KMT5B: variants seen among roughly 807,000 people sequenced by gnomAD.
KMT5B encodes the protein histone-lysine N-methyltransferase KMT5B.
KMT5B carries 10 observed loss-of-function variants against 83.2 expected under a neutral mutation model. The ratio of observed to expected loss-of-function variants is 0.12; its 90% CI spans 0.07 to 0.20. The LOEUF is 0.20. Ranked by LOEUF, KMT5B falls within the 10% of genes least tolerant of loss-of-function variation. KMT5B has a pLI of 1.00. For synonymous variants in KMT5B, 349 were observed against 388.8 expected (o/e 0.90, Z 1.20); for missense variants, 753 against 1,067.2 (o/e 0.71, Z 4.10).
rs148953858 is a variant in KMT5B, at chr11:68,158,882, C to A, written c.1464G>T (p.Leu488Phe). Residue 488 changes from leucine (L) to phenylalanine (F), a missense_variant, in exon 11 of 11, where the codon TTG (leucine) becomes TTT (phenylalanine). Around this residue, in one of 9 missense-constraint regions of KMT5B, gnomAD observed 397 missense variants for 395.9 expected, o/e 1.00. Coordinates refer to ENST00000304363, the MANE Select transcript of KMT5B (RefSeq NM_017635.5). ...CTGGCTCCTTATCTTTTTTAATGGG[C>A]AAATTTTTATACAGAACTACTTTAG... ...KEPKVVLYKN[L>F]PIKKDKEPEG... 8 of 1,613,982 alleles carry A rather than the reference C, an allele frequency of 5.0e-6. No individual in the cohort carries two copies. In the African/African-American group the frequency reaches 9.3e-5, roughly 19 times the overall value.
chr11:68,200,028 C>T (rs1217855298), intron 1 of KMT5B, among the ~76,000 whole-genome samples: 5 of 152,070 alleles, frequency 3.3e-5, no homozygotes. Flanking sequence ...TGGTTTTAGT[C>T]ACTTTTGAGA....
At chr11:68,207,790 CAA>C (rs1161587651) in intron 1 of KMT5B, among the ~76,000 whole-genome samples, 48 of 79,834 alleles carry the variant, frequency 6.0e-4, no homozygotes, top group East Asian at 5.8e-3. Flanking sequence ...GACTCCATCT[CAA>C]AAAAAAAAAA....
At chr11:68,208,161 C>T (rs1397073063) in intron 1 of KMT5B, among the ~76,000 whole-genome samples, 2 of 150,436 alleles carry the variant, frequency 1.3e-5, no homozygotes, top group East Asian at 2.1e-4. Flanking sequence ...AAACACACTT[C>T]GCCCAAGCCA....
chr11:68,188,026 C>G (rs1040590798), intron 2 of KMT5B, among the ~76,000 whole-genome samples: 5 of 139,434 alleles, frequency 3.6e-5, no homozygotes, highest in African/African-American at 1.1e-4. Context: ...TTTCCTTTTT[C>G]TTTTTTTTTT....
At chr11:68,210,634 G>A (rs953514557) in intron 1 of KMT5B, among the ~76,000 whole-genome samples, 1 of 152,110 alleles carries the variant, frequency 6.6e-6, no homozygotes, top group African/African-American at 2.4e-5. Flanking sequence ...TACGGCCCTA[G>A]AAGATGGCCT....
intron 9 of KMT5B, among the ~76,000 whole-genome samples, chr11:68,170,222 T>A (rs1855714066): frequency 6.6e-6 from 1 of 152,150 alleles, no homozygotes; most frequent in Non-Finnish European, 1.5e-5. Context: ...CTGACTGGGG[T>A]CTGATACTTA....
chr11:68,179,385 G>T, intron 4 of KMT5B: 2 of 1,186,440 alleles, frequency 1.7e-6, no homozygotes, highest in Non-Finnish European at 1.1e-6. Context: ...TCAATGGCTG[G>T]TATAAGAAAA....
chr11:68,201,433 G>A (rs1859428291), intron 1 of KMT5B, among the ~76,000 whole-genome samples: 1 of 152,124 alleles, frequency 6.6e-6, no homozygotes, highest in Middle Eastern at 3.2e-3. Flanking sequence ...AAATGTCAAT[G>A]CCCTTCTCTT....
chr11:68,200,660 T>C (rs1859322681), intron 1 of KMT5B, among the ~76,000 whole-genome samples: 1 of 152,232 alleles, frequency 6.6e-6, no homozygotes, highest in South Asian at 2.1e-4. Flanking sequence ...AGGCAAGCCT[T>C]CAGAGCGCTT....
upstream of KMT5B, chr11:68,213,336 C>G (rs973479886): frequency 3.4e-5 from 5 of 147,914 alleles, no homozygotes; most frequent in African/African-American, 1.2e-4. Flanking sequence ...CCTCCGCTGA[C>G]GGGAAAAATG....
Position 68,175,207 on chromosome 11 carries a change from T to C in KMT5B, c.378-24A>G, listed in dbSNP as rs1222770760. The C allele has an allele frequency of 6.3e-6, 10 of 1,596,784 alleles. No homozygotes were observed. The Admixed American group carries it at 1.7e-4, about 27-fold the overall frequency. On this transcript the variant is annotated intron_variant, in intron 4 of 10. Coordinates refer to ENST00000304363, the MANE Select transcript of KMT5B (RefSeq NM_017635.5). ...ATCTGAAAGAAATCAAAAGAATGAA[T>C]GGGTTATCTGCCACAATCCTTGCGC...
intron 1 of KMT5B, among the ~76,000 whole-genome samples, chr11:68,191,697 C>A (rs549244792): frequency 6.6e-6 from 1 of 151,840 alleles, no homozygotes; most frequent in South Asian, 2.1e-4. Context: ...ATAAAAGAGT[C>A]AAAAAGTTTT....
In KMT5B at chr11:68,155,350, C is replaced by T. The variant is rs1299912468; in HGVS notation, c.*2338G>A. 6.6e-6 allele frequency: 1 copy of T among 152,162 alleles called. No individual in the cohort carries two copies. The highest frequency in any genetic ancestry group is 2.4e-5 in the African/African-American group (1 of 41,436). The allele number at this position is 152,162 out of a possible 1,614,324, so 9.4% of individuals were successfully genotyped here. On this transcript the variant is annotated 3_prime_UTR_variant, in exon 11 of 11. Transcript: ENST00000304363. The stretch of plus-strand genomic sequence containing the variant: ...GCTGAGTGCTTGTGCATACCGACTC[C>T]TGAGAGGCAGTGATTTACTACCAAA...
At chr11:68,161,183 C>T (rs1017757190) in intron 10 of KMT5B, among the ~76,000 whole-genome samples, 9 of 152,010 alleles carry the variant, frequency 5.9e-5, no homozygotes, top group Non-Finnish European at 1.3e-4. Context: ...CTATACAGAA[C>T]TATGTGATAG....
intron 1 of KMT5B, among the ~76,000 whole-genome samples, chr11:68,194,222 G>A (rs1460376609): frequency 7.3e-6 from 1 of 136,978 alleles, no homozygotes; most frequent in East Asian, 2.1e-4. Context: ...ACAGAGTATC[G>A]CTCCCTCACC....
At chr11:68,165,532 T>C (rs913043506) in intron 10 of KMT5B, among the ~76,000 whole-genome samples, 1 of 151,966 alleles carries the variant, frequency 6.6e-6, no homozygotes, top group African/African-American at 2.4e-5. Flanking sequence ...ACACAGGTCT[T>C]ACTATGTTGC....
chr11:68,175,914 GTTT>G lies in KMT5B; in HGVS notation c.378-734_378-732del, dbSNP rs397848049. 4.9e-3 allele frequency among the ~76,000 whole-genome samples: 623 copies of G among 126,342 alleles called. 1 individual carries two copies. The highest frequency in any genetic ancestry group is 0.018 in the African/African-American group (602 of 33,412). The allele number at this position is 126,342 out of a possible 152,430, so 82.9% of individuals were successfully genotyped here. ...GTAGGAAAACTGATGGGGTAGAGTT[GTTT>G]TTTTTTTTTTTTTTTGAGATGGAGT... On this transcript the variant is annotated intron_variant, in intron 4 of 10. Coordinates refer to ENST00000304363, the MANE Select transcript of KMT5B (RefSeq NM_017635.5).
chr11:68,159,185 G>C lies in KMT5B; in HGVS notation c.1175-14C>G. ...TTCGGTTAGAAGCTGTAAGGTTAAA[G>C]AGAAAAAGGTGAAAAGCCTTGGTAA... On this transcript the variant is annotated splice_polypyrimidine_tract_variant and intron_variant, in intron 10 of 10. Coordinates refer to ENST00000304363, the MANE Select transcript of KMT5B (RefSeq NM_017635.5). The C allele has an allele frequency of 6.5e-7, 1 of 1,541,596 alleles. No homozygotes were observed. The highest frequency in any genetic ancestry group is 2.3e-5 in the East Asian group (1 of 44,416).
At chr11:68,164,451 T>C (rs1418600151) in intron 10 of KMT5B, among the ~76,000 whole-genome samples, 2 of 152,170 alleles carry the variant, frequency 1.3e-5, no homozygotes, top group African/African-American at 4.8e-5. Flanking sequence ...AGAACCTTTC[T>C]TTCAGACAGG....
Sources: gnomAD v4.1 joint callset for allele counts (sites outside exome capture counted in the v4.1 genomes callset) on GRCh38, gnomAD v4.1.1 for gene constraint, gnomAD v4.1.1 regional missense constraint, MANE v1.5 for transcripts, NCBI Gene and HGNC (gene_info 2026-07-23, HGNC 2026-07-21) for gene names.